Variants in RAPH1 observed in about 807,000 individuals in gnomAD.
RAPH1 encodes Ras association (RalGDS/AF-6) and pleckstrin homology domains 1, also known as ras-associated and pleckstrin homology domains-containing protein 1.
In RAPH1, 18 loss-of-function variants were observed where a neutral mutation model predicts 88.1. That is an observed-to-expected ratio of 0.20 (90% CI 0.14 to 0.30). The LOEUF (loss-of-function observed/expected upper bound fraction) is 0.30, where lower values mean the gene tolerates loss of function less well. RAPH1 is among the 10% of genes least tolerant of loss of function. RAPH1 has a pLI of 1.00. For missense variants in RAPH1, 1,448 were observed against 1,543.2 expected, an observed-to-expected ratio of 0.94 and a Z score of 1.03; for synonymous variants, 587 against 559.0, an observed-to-expected ratio of 1.05 and a Z score of -0.71.
At chr2:203,521,290 G>A (rs1160962412) in intron 1 of RAPH1, among the ~76,000 whole-genome samples, 2 of 152,120 alleles carry the variant, frequency 1.3e-5, no homozygotes, top group African/African-American at 2.4e-5. Flanking sequence ...CTGACCTCAG[G>A]TGATCTGCCC....
intron 7 of RAPH1, among the ~76,000 whole-genome samples, chr2:203,457,908 C>T (rs559617106): frequency 6.6e-6 from 1 of 152,046 alleles, no homozygotes; most frequent in Non-Finnish European, 1.5e-5. Flanking sequence ...ATGAAAGCTA[C>T]GTTAGAGGAT....
At chr2:203,483,170 G>A (rs1168442133) in intron 4 of RAPH1, among the ~76,000 whole-genome samples, 10 of 152,164 alleles carry the variant, frequency 6.6e-5, no homozygotes, top group Admixed American at 5.2e-4. Flanking sequence ...AAAGCCTTTA[G>A]GTTTGAAAAG....
chr2:203,481,737 G>A (rs1041352827), intron 4 of RAPH1, among the ~76,000 whole-genome samples: 2 of 149,974 alleles, frequency 1.3e-5, no homozygotes, highest in African/African-American at 2.4e-5. Context: ...AATTGCAGGT[G>A]TCTGCCACCA....
chr2:203,525,219 T>C (rs1474442430), intron 1 of RAPH1, among the ~76,000 whole-genome samples: 1 of 152,228 alleles, frequency 6.6e-6, no homozygotes, highest in African/African-American at 2.4e-5. Context: ...GGAGTCTCGC[T>C]CTGTCGCCCA....
chr2:203,441,917 A>T, intron 13 of RAPH1: 1 of 1,353,130 alleles, frequency 7.4e-7, no homozygotes, highest in Admixed American at 3.6e-5. Flanking sequence ...TGATGCTAGT[A>T]AGCTGACACA....
At chr2:203,466,014 T>C (rs921511268) in intron 4 of RAPH1, among the ~76,000 whole-genome samples, 1 of 152,204 alleles carries the variant, frequency 6.6e-6, no homozygotes, top group Non-Finnish European at 1.5e-5. Context: ...ATGGGGGCTA[T>C]TTTAACAAAT....
intron 4 of RAPH1, among the ~76,000 whole-genome samples, chr2:203,479,919 C>T (rs1251935481): frequency 6.6e-6 from 1 of 152,092 alleles, no homozygotes; most frequent in African/African-American, 2.4e-5. Context: ...TACTCTTTAT[C>T]ACTACGTTCA....
chr2:203,455,331 G>T, intron 9 of RAPH1, 106 bp downstream of exon 9: 2 of 1,047,076 alleles, frequency 1.9e-6, no homozygotes, highest in Non-Finnish European at 2.8e-6. Flanking sequence ...TGTCTTCCAC[G>T]AACTGAAACA....
intron 13 of RAPH1, chr2:203,442,446 T>C (rs2153634075): frequency 6.0e-6 from 1 of 165,616 alleles, no homozygotes; most frequent in South Asian, 1.8e-4. Context: ...AATGCATGGG[T>C]TAGTGAACTA....
At chr2:203,441,629 C>A in intron 13 of RAPH1, 1 of 1,345,304 alleles carries the variant, frequency 7.4e-7, no homozygotes, top group Non-Finnish European at 9.5e-7. Flanking sequence ...TTGTTTTACC[C>A]CACAGTAAAA....
At chr2:203,470,362 C>A in intron 4 of RAPH1, 1 of 1,251,756 alleles carries the variant, frequency 8.0e-7, no homozygotes, top group South Asian at 1.3e-5. Context: ...TAACAGAAGT[C>A]AGTGGAGGTT....
In RAPH1 at chr2:203,441,279, AGGAGGAGGT is replaced by A; in HGVS notation, c.1902_1910del (p.Pro646_Pro648del). 4.2e-6 allele frequency: 1 copy of A among 240,008 alleles called. No homozygotes were observed. The highest frequency in any genetic ancestry group is 6.1e-6 in the Non-Finnish European group (1 of 163,124). The allele number at this position is 240,008 out of a possible 1,614,324, so 14.9% of individuals were successfully genotyped here. ...GAGGGGGTGGTGGAGGGGGTGGTGG[AGGAGGAGGT>A]GGGGGTGGCGGAGGAGGTAGAGGTG... On this transcript the variant is annotated inframe_deletion, in exon 14 of 14. Coordinates refer to ENST00000319170, the MANE Select transcript of RAPH1 (RefSeq NM_213589.3).
At position 203,438,607 on chromosome 2, in the gene RAPH1, A is replaced by C. The variant is rs2098500393; in HGVS notation, c.*830T>G. 5.8e-6 allele frequency: 1 copy of C among 172,006 alleles called. No individual in the cohort carries two copies. Among genetic ancestry groups the C allele is most frequent in the South Asian group, 1.5e-4 (1 of 6,712 alleles). The allele number at this position is 172,006 out of a possible 1,614,324, so 10.7% of individuals were successfully genotyped here. ...AGTTGATAAAGCTTCATAAAACAGT[A>C]CTAAAAAGGAACTATCCAGAATTAT... On this transcript the variant is annotated 3_prime_UTR_variant, in exon 14 of 14. Coordinates refer to ENST00000319170, the MANE Select transcript of RAPH1 (RefSeq NM_213589.3).
At position 203,464,233 on chromosome 2, in the gene RAPH1, T is replaced by C. The variant is rs116070763; in HGVS notation, c.733-2308A>G. ...AAAGTCTGAAGAGGAAAAACTGATA[T>C]GTGGAATCAATGTTTTGTATATTTG... On this transcript the variant is annotated intron_variant, in intron 4 of 13. Transcript: ENST00000319170. Among the ~76,000 whole-genome samples the C allele has an allele frequency of 6.6e-3, 1,008 of 152,342 alleles. 7 individuals carry two copies. The highest frequency in any genetic ancestry group is 0.01 in the Non-Finnish European group (682 of 68,032).
intron 4 of RAPH1, among the ~76,000 whole-genome samples, chr2:203,467,445 A>G (rs1294750565): frequency 1.3e-5 from 2 of 151,674 alleles, no homozygotes; most frequent in Non-Finnish European, 2.9e-5. Context: ...AAAAAAATAC[A>G]AAAATTAGCT....
chr2:203,445,710 T>C (rs1247147992), intron 12 of RAPH1: 1 of 152,042 alleles, frequency 6.6e-6, no homozygotes, highest in African/African-American at 2.4e-5. Context: ...AAGTGAGCTA[T>C]GATAACACCA....
Position 203,445,009 on chromosome 2 carries a change from C to T in RAPH1, c.1635G>A (p.Glu545=), listed in dbSNP as rs1321108669. The change falls in exon 13 of 14, where the codon GAG becomes GAA. Residue 545 remains glutamate (E), a splice_region_variant and synonymous_variant. Transcript: ENST00000319170. The part of the protein sequence containing the change: ...KSGSSSSSIP[E]SQSNHSNQSD... ...ACTGATTGGAGTGGTTTGACTGAGACTCTGTTTAAAATAGTTTTTTAAACA... is the reference window on the plus strand; with the variant it reads ...ACTGATTGGAGTGGTTTGACTGAGATTCTGTTTAAAATAGTTTTTTAAACA... 1.2e-6 allele frequency: 2 copies of T among 1,611,556 alleles called. No individual in the cohort carries two copies. Among genetic ancestry groups the T allele is most frequent in the African/African-American group, 2.7e-5 (2 of 74,750 alleles).
chr2:203,443,175 G>A (rs192609218), intron 13 of RAPH1: 31 of 152,184 alleles, frequency 2.0e-4, no homozygotes, highest in East Asian at 1.5e-3. Flanking sequence ...CCACATATAC[G>A]AATGAAGGAA....
chr2:203,493,273 C>T (rs773674857), intron 2 of RAPH1, among the ~76,000 whole-genome samples: 11 of 152,144 alleles, frequency 7.2e-5, no homozygotes, highest in Non-Finnish European at 1.3e-4. Context: ...TACAAGGTAT[C>T]AAACCAGTAG....
Sources: allele counts gnomAD v4.1 joint callset (sites outside exome capture counted in the v4.1 genomes callset), GRCh38; gene constraint gnomAD v4.1.1; transcripts MANE v1.5; gene names NCBI Gene and HGNC (gene_info 2026-07-23, HGNC 2026-07-21).